RGS7: variants seen among roughly 807,000 people sequenced by gnomAD.
RGS7 encodes regulator of G protein signaling 7.
RGS7 carries 27 observed loss-of-function variants against 81.1 expected under a neutral mutation model. The observed-to-expected ratio is 0.33, with a 90% confidence interval of 0.25 to 0.46. RGS7 has a LOEUF of 0.46. Among genes scored for constraint, RGS7 ranks in the 20% least tolerant of loss-of-function variants. The probability of loss-of-function intolerance (pLI) is 1.00; values close to 1 mark genes in which losing one functional copy is unlikely to be tolerated. For missense variants in RGS7, 396 were observed against 607.4 expected (o/e 0.65, Z 3.66); for synonymous variants, 208 against 207.7 (o/e 1.00, Z -0.01).
At chr1:240,863,726 T>A (rs1465974046) in intron 9 of RGS7, among the ~76,000 whole-genome samples, 1 of 152,136 alleles carries the variant, frequency 6.6e-6, no homozygotes, top group Non-Finnish European at 1.5e-5. Context: ...AACTCTGGAC[T>A]TTTAAAAACA....
intron 3 of RGS7, among the ~76,000 whole-genome samples, chr1:241,055,168 A>AT (rs1193168231): frequency 6.6e-6 from 1 of 152,210 alleles, no homozygotes; most frequent in African/African-American, 2.4e-5. Context: ...CTGACACCAG[A>AT]TTCTCCAGCA....
At chr1:240,856,258 T>TATATTCATAA (rs1272862964) in intron 9 of RGS7, among the ~76,000 whole-genome samples, 1 of 152,192 alleles carries the variant, frequency 6.6e-6, no homozygotes. Context: ...AACGTAAACC[T>TATATTCATAA]CTGTTTCAAA....
Position 240,811,954 on chromosome 1 carries a change from T to G in RGS7, c.1046A>C (p.Lys349Thr). Reference sequence around the variant, plus strand: ...CGAGCTGAATTCTGACTCTAGAAATTTAAGGAACTGTTCTCTCCCAACTGG... The same window carrying G: ...CGAGCTGAATTCTGACTCTAGAAATGTAAGGAACTGTTCTCTCCCAACTGG... The part of the protein sequence containing the change: ...KDPVGREQFL[K>T]FLESEFSSEN... The change falls in exon 14 of 19, where the codon AAA becomes ACA. Residue 349 changes from lysine to threonine, a missense_variant. Transcript: ENST00000440928. 1 of 1,613,740 alleles carries G rather than the reference T, an allele frequency of 6.2e-7. No individual in the cohort carries two copies. The highest frequency in any genetic ancestry group is 8.5e-7 in the Non-Finnish European group (1 of 1,179,652).
In RGS7 at chr1:241,318,637, T is replaced by C. The variant is rs190527966; in HGVS notation, c.78+37062A>G. 8.6e-5 allele frequency among the ~76,000 whole-genome samples: 13 copies of C among 151,910 alleles called. No individual in the cohort carries two copies. In the East Asian group the frequency reaches 2.5e-3, roughly 30 times the overall value. On this transcript the variant is annotated intron_variant, in intron 2 of 18. Coordinates refer to ENST00000440928, the MANE Select transcript of RGS7 (RefSeq NM_001364886.1). ...ATACCTGGCTAATTTCTTATTTTTG[T>C]TGTTGTTGTTGTATTTTTAGTAGAG...
At chr1:241,274,070 G>A (rs1249181996) in intron 2 of RGS7, among the ~76,000 whole-genome samples, 1 of 152,202 alleles carries the variant, frequency 6.6e-6, no homozygotes, top group Non-Finnish European at 1.5e-5. Context: ...CTGGAAATTA[G>A]TTAATTGTCT....
chr1:240,964,495 C>G (rs1459638314), intron 4 of RGS7, among the ~76,000 whole-genome samples: 1 of 152,062 alleles, frequency 6.6e-6, no homozygotes, highest in Non-Finnish European at 1.5e-5. Context: ...CACTGGGAAA[C>G]CAAGACTGGA....
chr1:240,853,709 G>C (rs575700276), intron 9 of RGS7, among the ~76,000 whole-genome samples: 1 of 151,658 alleles, frequency 6.6e-6, no homozygotes, highest in African/African-American at 2.4e-5. Context: ...GAGACCATAC[G>C]GGCTAACACG....
chr1:241,117,590 A>C (rs1284332723), intron 2 of RGS7, among the ~76,000 whole-genome samples: 1 of 152,182 alleles, frequency 6.6e-6, no homozygotes, highest in Non-Finnish European at 1.5e-5. Context: ...GGAGGGACTT[A>C]AGCAGAACTG....
chr1:240,987,017 G>A (rs74824283), intron 3 of RGS7, among the ~76,000 whole-genome samples: 7,646 of 152,212 alleles, frequency 0.05, 250 homozygotes, highest in South Asian at 0.1. Flanking sequence ...GCCTGGACCA[G>A]GCTCTGTCCT....
chr1:240,841,509 A>G (rs1435472366), intron 9 of RGS7, among the ~76,000 whole-genome samples: 2 of 152,352 alleles, frequency 1.3e-5, no homozygotes, highest in East Asian at 3.9e-4. Flanking sequence ...CCTGGATTCA[A>G]GATATAAACT....
intron 10 of RGS7, among the ~76,000 whole-genome samples, chr1:240,825,910 T>A (rs1692722980): frequency 6.6e-6 from 1 of 152,212 alleles, no homozygotes; most frequent in Non-Finnish European, 1.5e-5. Flanking sequence ...TGTGTTAGGG[T>A]CTGTTGGGGG....
At chr1:240,967,149 A>C (rs1226047682) in intron 4 of RGS7, among the ~76,000 whole-genome samples, 2 of 152,222 alleles carry the variant, frequency 1.3e-5, no homozygotes, top group Non-Finnish European at 2.9e-5. Context: ...GGAAGTGGTC[A>C]ATCTTAAATT....
chr1:240,804,064 G>A (rs1372157950), intron 15 of RGS7, among the ~76,000 whole-genome samples: 1 of 152,150 alleles, frequency 6.6e-6, no homozygotes, highest in Non-Finnish European at 1.5e-5. Context: ...GCAATGGCTG[G>A]TTTTGGAGTT....
At chr1:240,886,090 T>C (rs181581794) in intron 6 of RGS7, among the ~76,000 whole-genome samples, 4 of 152,338 alleles carry the variant, frequency 2.6e-5, no homozygotes, top group Admixed American at 1.3e-4. Context: ...TTAACTGTTA[T>C]GATAATTATA....
At chr1:241,116,043 A>G (rs540317199) in intron 2 of RGS7, among the ~76,000 whole-genome samples, 3 of 152,238 alleles carry the variant, frequency 2.0e-5, no homozygotes, top group African/African-American at 7.2e-5. Flanking sequence ...GCCTTCTGCC[A>G]TGACTGTAAC....
chr1:240,908,719 T>C (rs1449308852), intron 6 of RGS7, among the ~76,000 whole-genome samples: 1 of 152,168 alleles, frequency 6.6e-6, no homozygotes, highest in Non-Finnish European at 1.5e-5. Context: ...TTGAAAAAGG[T>C]ACCTGCTTAC....
chr1:240,841,338 A>G (rs942824099), intron 9 of RGS7, among the ~76,000 whole-genome samples: 1 of 152,168 alleles, frequency 6.6e-6, no homozygotes, highest in East Asian at 1.9e-4. Flanking sequence ...ACCTACAAAT[A>G]TCCAAGGACA....
At chr1:240,874,758 C>T (rs986454078) in intron 6 of RGS7, among the ~76,000 whole-genome samples, 9 of 152,234 alleles carry the variant, frequency 5.9e-5, no homozygotes, top group East Asian at 5.8e-4. Context: ...AATCTACTCT[C>T]GGCCGGGTGC....
chr1:241,240,144 G>A (rs915998359), intron 2 of RGS7, among the ~76,000 whole-genome samples: 1 of 152,186 alleles, frequency 6.6e-6, no homozygotes, highest in Non-Finnish European at 1.5e-5. Flanking sequence ...GTGTGAGACA[G>A]ATGGCCAAGA....
Sources: allele counts gnomAD v4.1 joint callset (sites outside exome capture counted in the v4.1 genomes callset), GRCh38; gene constraint gnomAD v4.1.1; transcripts MANE v1.5; gene names NCBI Gene and HGNC (gene_info 2026-07-23, HGNC 2026-07-21).